Variants in TMEM178B observed in about 807,000 individuals in gnomAD.
TMEM178B encodes the protein transmembrane protein 178B.
Under a neutral mutation model 31.0 loss-of-function variants are expected in TMEM178B, and 5 were observed. That is an observed-to-expected ratio of 0.16 (90% CI 0.08 to 0.34). The LOEUF (loss-of-function observed/expected upper bound fraction) is 0.34, where lower values mean the gene tolerates loss of function less well. Among genes scored for constraint, TMEM178B ranks in the 10% least tolerant of loss-of-function variants. TMEM178B has a pLI of 1.00. For synonymous variants in TMEM178B, 164 were observed against 164.0 expected, an observed-to-expected ratio of 1.00 and a Z score of 0.00; for missense variants, 275 against 400.3, an observed-to-expected ratio of 0.69 and a Z score of 2.67.
At chr7:141,326,664 G>A (rs1469969228) in intron 2 of TMEM178B, among the ~76,000 whole-genome samples, 1 of 152,118 alleles carries the variant, frequency 6.6e-6, no homozygotes, top group Non-Finnish European at 1.5e-5. Context: ...TTTACATATT[G>A]TCTATGGCTG....
intron 2 of TMEM178B, among the ~76,000 whole-genome samples, chr7:141,409,709 T>C (rs1800946244): frequency 1.3e-5 from 2 of 151,922 alleles, no homozygotes; most frequent in Non-Finnish European, 2.9e-5. Context: ...CACAAGTGCT[T>C]GTCCTTTTTG....
At chr7:141,087,702 G>C (rs1282705652) in intron 1 of TMEM178B, among the ~76,000 whole-genome samples, 1 of 152,206 alleles carries the variant, frequency 6.6e-6, no homozygotes, top group Non-Finnish European at 1.5e-5. Context: ...TTTTGAAACT[G>C]AGTAGAGAGT....
At chr7:141,127,016 G>A (rs1006929596) in intron 1 of TMEM178B, among the ~76,000 whole-genome samples, 2 of 152,116 alleles carry the variant, frequency 1.3e-5, no homozygotes, top group African/African-American at 4.8e-5. Context: ...GTGACCCTGT[G>A]TATAGCTGAC....
intron 2 of TMEM178B, among the ~76,000 whole-genome samples, chr7:141,274,638 GC>G (rs1437900229): frequency 1.3e-5 from 2 of 152,216 alleles, no homozygotes; most frequent in Non-Finnish European, 2.9e-5. Flanking sequence ...CTCTGTCCAT[GC>G]CCAAATCCAT....
At chr7:141,192,490 CTTTTT>C (rs10582858) in intron 1 of TMEM178B, among the ~76,000 whole-genome samples, 2 of 142,150 alleles carry the variant, frequency 1.4e-5, no homozygotes, top group African/African-American at 2.6e-5. Context: ...ATGCAGCGGT[CTTTTT>C]TTTTTTTTTT....
At chr7:141,154,435 T>C (rs1796031810) in intron 1 of TMEM178B, among the ~76,000 whole-genome samples, 1 of 152,238 alleles carries the variant, frequency 6.6e-6, no homozygotes, top group East Asian at 1.9e-4. Context: ...GGTGTCTTTG[T>C]GCAGTTAGTT....
intron 1 of TMEM178B, among the ~76,000 whole-genome samples, chr7:141,210,252 G>A (rs1033839734): frequency 1.3e-5 from 2 of 152,110 alleles, no homozygotes; most frequent in African/African-American, 4.8e-5. Flanking sequence ...ATCACCTGAG[G>A]TCGGGAGTTC....
At chr7:141,102,187 G>A (rs937046422) in intron 1 of TMEM178B, among the ~76,000 whole-genome samples, 2 of 152,060 alleles carry the variant, frequency 1.3e-5, no homozygotes, top group Non-Finnish European at 2.9e-5. Context: ...CTATTAAAGG[G>A]TTCAGCCAAA....
At chr7:141,313,703 A>T (rs995607211) in intron 2 of TMEM178B, among the ~76,000 whole-genome samples, 1 of 152,064 alleles carries the variant, frequency 6.6e-6, no homozygotes, top group African/African-American at 2.4e-5. Flanking sequence ...CTACAAGATC[A>T]TTCTGTGAGT....
intron 2 of TMEM178B, among the ~76,000 whole-genome samples, chr7:141,342,240 C>T (rs868723840): frequency 6.6e-6 from 1 of 152,160 alleles, no homozygotes; most frequent in Non-Finnish European, 1.5e-5. Flanking sequence ...GAGCCACACC[C>T]GGCCCAAAAT....
intron 2 of TMEM178B, among the ~76,000 whole-genome samples, chr7:141,288,855 T>G (rs922406060): frequency 7.9e-5 from 12 of 152,252 alleles, no homozygotes; most frequent in African/African-American, 2.9e-4. Context: ...CTTACCTTGC[T>G]GCTGACCTAG....
At chr7:141,110,984 C>T (rs1795226060) in intron 1 of TMEM178B, among the ~76,000 whole-genome samples, 1 of 152,236 alleles carries the variant, frequency 6.6e-6, no homozygotes, top group South Asian at 2.1e-4. Flanking sequence ...GAACCTTGAT[C>T]TCAGACTTCC....
At chr7:141,310,735 A>C (rs1011449179) in intron 2 of TMEM178B, among the ~76,000 whole-genome samples, 1 of 152,246 alleles carries the variant, frequency 6.6e-6, no homozygotes, top group African/African-American at 2.4e-5. Context: ...TGTGGAAGGC[A>C]GTGTAGCAAT....
At chr7:141,161,134 C>T (rs1028114259) in intron 1 of TMEM178B, among the ~76,000 whole-genome samples, 3 of 152,172 alleles carry the variant, frequency 2.0e-5, no homozygotes, top group South Asian at 2.1e-4. Flanking sequence ...GGATTACAGG[C>T]ACGAACCACT....
At chr7:141,187,085 TC>T (rs1796621271) in intron 1 of TMEM178B, among the ~76,000 whole-genome samples, 1 of 90,964 alleles carries the variant, frequency 1.1e-5, no homozygotes, top group Non-Finnish European at 2.1e-5. Flanking sequence ...ATGCTATCCC[TC>T]CCCCCTCCCC....
chr7:141,379,148 A>C (rs190944234), intron 2 of TMEM178B, among the ~76,000 whole-genome samples: 182 of 152,208 alleles, frequency 1.2e-3, no homozygotes, highest in Non-Finnish European at 1.9e-3. Flanking sequence ...GCCAGTTAAC[A>C]GAGTGTTCTG....
chr7:141,371,172 A>G (rs73739820), intron 2 of TMEM178B, among the ~76,000 whole-genome samples: 11,645 of 152,232 alleles, frequency 0.076, 509 homozygotes, highest in East Asian at 0.18. Context: ...TTGGTCCCCA[A>G]TATTAGAGAT....
chr7:141,146,683 G>A (rs115997002), intron 1 of TMEM178B, among the ~76,000 whole-genome samples: 5,292 of 152,260 alleles, frequency 0.035, 120 homozygotes, highest in Middle Eastern at 0.088. Flanking sequence ...TTATTGTGTA[G>A]CAGCATGGCG....
intron 2 of TMEM178B, among the ~76,000 whole-genome samples, chr7:141,390,236 C>G (rs556759935): frequency 6.6e-6 from 1 of 152,318 alleles, no homozygotes; most frequent in Non-Finnish European, 1.5e-5. Flanking sequence ...TTCCTTCTTT[C>G]CTGGGCTTTG....
Sources: allele counts gnomAD v4.1 joint callset (sites outside exome capture counted in the v4.1 genomes callset), GRCh38; gene constraint gnomAD v4.1.1; transcripts MANE v1.5; gene names NCBI Gene and HGNC (gene_info 2026-07-23, HGNC 2026-07-21).